Variants in PRR15L observed in about 807,000 individuals in gnomAD.
PRR15L encodes the protein proline-rich protein 15-like protein.
In PRR15L, 1 loss-of-function variant was observed where a neutral mutation model predicts 3.7. That is an observed-to-expected ratio of 0.27 (90% CI 0.09 to 1.27). PRR15L has a LOEUF of 1.27. PRR15L is among the 50% of genes most tolerant of loss of function. The pLI is 0.47. For missense variants in PRR15L, 127 were observed against 128.7 expected (o/e 0.99, Z 0.06); for synonymous variants, 57 against 51.9 (o/e 1.10, Z -0.42).
At chr17:47,955,090 CG>C (rs1266460561) in intron 1 of PRR15L, among the ~76,000 whole-genome samples, 1 of 151,886 alleles carries the variant, frequency 6.6e-6, no homozygotes, top group Non-Finnish European at 1.5e-5. Context: ...CCACCACGCC[CG>C]GCTAATTTTG....
chr17:47,952,643 T>TGAC lies in PRR15L; in HGVS notation c.*279_*280insGTC. 3.0e-6 allele frequency: 1 copy of TGAC among 336,984 alleles called. No individual in the cohort carries two copies. Among genetic ancestry groups the TGAC allele is most frequent in the Non-Finnish European group, 5.5e-6 (1 of 183,018 alleles). The allele number at this position is 336,984 out of a possible 1,614,324, so 20.9% of individuals were successfully genotyped here. On this transcript the variant is annotated 3_prime_UTR_variant, in exon 2 of 2. Transcript: ENST00000300557. Reference sequence around the variant, plus strand: ...CCCACCTCCCTGCTGGCCCTGCCATTGCTTCAAGGAGGGCTGTTCCTCCTG... The same window carrying TGAC: ...CCCACCTCCCTGCTGGCCCTGCCATTGACGCTTCAAGGAGGGCTGTTCCTCCTG...
intron 1 of PRR15L, among the ~76,000 whole-genome samples, chr17:47,956,187 G>C (rs1316354574): frequency 6.6e-6 from 1 of 152,242 alleles, no homozygotes; most frequent in Non-Finnish European, 1.5e-5. Flanking sequence ...CCAGAGGCCA[G>C]GTGCAGTGGC....
intron 1 of PRR15L, among the ~76,000 whole-genome samples, chr17:47,954,477 G>A (rs1183206482): frequency 1.3e-5 from 2 of 152,222 alleles, no homozygotes; most frequent in Non-Finnish European, 2.9e-5. Context: ...GGGGAGACAT[G>A]GTCATCACAG....
chr17:47,957,221 G>C (rs1482335572), intron 1 of PRR15L, among the ~76,000 whole-genome samples: 1 of 152,246 alleles, frequency 6.6e-6, no homozygotes, highest in Non-Finnish European at 1.5e-5. Flanking sequence ...CATTGACTGG[G>C]GCAGAGGTGG....
chr17:47,956,349 G>A (rs2036128861), intron 1 of PRR15L, among the ~76,000 whole-genome samples: 2 of 152,202 alleles, frequency 1.3e-5, no homozygotes, highest in Non-Finnish European at 2.9e-5. Context: ...TCATATGCCT[G>A]TAGTCCCAGC....
chr17:47,952,947 G>A lies in PRR15L; in HGVS notation c.288C>T (p.His96=), dbSNP rs763815620. 7.4e-6 allele frequency: 12 copies of A among 1,613,730 alleles called. No homozygotes were observed. The highest frequency in any genetic ancestry group is 3.3e-5 in the Admixed American group (2 of 60,004). Residue 96 remains histidine, a synonymous_variant, in exon 2 of 2, where the codon CAC becomes CAT. Coordinates refer to ENST00000300557, the MANE Select transcript of PRR15L (RefSeq NM_024320.4). ...TTCACTTTGATGACCGTCCTTCCTC[G>A]TGATCATCAAAGAGGTTAGGGTTCT... is the stretch of plus-strand genomic sequence containing the variant. The part of the protein sequence containing the change: ...LAENPNLFDD[H]EEGRSSK
intron 1 of PRR15L, 145 bp from the exon 2 acceptor site, chr17:47,953,408 C>T (rs370723100): frequency 8.2e-5 from 47 of 572,186 alleles, no homozygotes; most frequent in Non-Finnish European, 1.2e-4. Flanking sequence ...CCTATAATCC[C>T]GGCACTTTGG....
intron 1 of PRR15L, 149 bp downstream of exon 1, chr17:47,957,508 G>A (rs144649671): frequency 2.0e-5 from 3 of 152,444 alleles, no homozygotes; most frequent in Admixed American, 2.0e-4. Context: ...TTGACTCCAA[G>A]AGGCCAGTGG....
intron 1 of PRR15L, among the ~76,000 whole-genome samples, chr17:47,954,927 T>A (rs1049864190): frequency 6.9e-6 from 1 of 144,546 alleles, no homozygotes; most frequent in Non-Finnish European, 1.5e-5. Context: ...ATGTGCCTTT[T>A]TTTTTTCTTT....
chr17:47,956,670 GTAAA>G, intron 1 of PRR15L, among the ~76,000 whole-genome samples: 1 of 152,318 alleles, frequency 6.6e-6, no homozygotes, highest in Middle Eastern at 3.4e-3. Context: ...TGTAGGATCT[GTAAA>G]TAGTCATCAT....
Position 47,952,566 on chromosome 17 carries a change from T to C in PRR15L, c.*357A>G, listed in dbSNP as rs1449185194. Reference sequence around the variant, plus strand: ...ATTGAAACTCGCCCTTGACCCTGTGTCCAGTAAGGAGGTGAAGTCTGTCTG... The same window carrying C: ...ATTGAAACTCGCCCTTGACCCTGTGCCCAGTAAGGAGGTGAAGTCTGTCTG... On this transcript the variant is annotated 3_prime_UTR_variant, in exon 2 of 2. Coordinates refer to ENST00000300557, the MANE Select transcript of PRR15L (RefSeq NM_024320.4). 2 of 208,374 alleles carry C rather than the reference T, an allele frequency of 9.6e-6. No homozygotes were observed. Among genetic ancestry groups the C allele is most frequent in the Non-Finnish European group, 1.9e-5 (2 of 103,474 alleles). The allele number at this position is 208,374 out of a possible 1,614,324, so 12.9% of individuals were successfully genotyped here.
At chr17:47,954,470 G>A (rs1010055624) in intron 1 of PRR15L, among the ~76,000 whole-genome samples, 1 of 152,242 alleles carries the variant, frequency 6.6e-6, no homozygotes, top group Non-Finnish European at 1.5e-5. Flanking sequence ...AAGTACAGGG[G>A]AGACATGGTC....
At chr17:47,957,076 C>A (rs2036138143) in intron 1 of PRR15L, among the ~76,000 whole-genome samples, 1 of 152,254 alleles carries the variant, frequency 6.6e-6, no homozygotes, top group Admixed American at 6.5e-5. Context: ...CACCCCCTGT[C>A]TTTGGTGGCC....
At chr17:47,956,379 C>T (rs567753278) in intron 1 of PRR15L, among the ~76,000 whole-genome samples, 11 of 152,086 alleles carry the variant, frequency 7.2e-5, no homozygotes, top group African/African-American at 2.2e-4. Flanking sequence ...GGCTGAGGCA[C>T]GAGAATCCCT....
chr17:47,956,855 T>C (rs2036133832), intron 1 of PRR15L, among the ~76,000 whole-genome samples: 1 of 152,156 alleles, frequency 6.6e-6, no homozygotes, highest in African/African-American at 2.4e-5. Context: ...GGCAGGTGCT[T>C]GGGACTTCAA....
In PRR15L at chr17:47,953,952, G is replaced by C. The variant is rs192347894; in HGVS notation, c.-29-689C>G. Among the ~76,000 whole-genome samples the C allele has an allele frequency of 6.9e-3, 1,051 of 152,338 alleles. 15 individuals are homozygous for C. Among genetic ancestry groups the C allele is most frequent in the Middle Eastern group, 0.014 (4 of 294 alleles). On this transcript the variant is annotated intron_variant, in intron 1 of 1. Coordinates refer to ENST00000300557, the MANE Select transcript of PRR15L (RefSeq NM_024320.4). ...GCTTGCCTGAGTCACACAGCATCCA[G>C]GCCTTTGATGCTCTTCCCAAACTTC... is the stretch of plus-strand genomic sequence containing the variant.
chr17:47,953,243 C>A lies in PRR15L; in HGVS notation c.-9G>T. 1 of 1,555,244 alleles carries A rather than the reference C, an allele frequency of 6.4e-7. No individual in the cohort carries two copies. The highest frequency in any genetic ancestry group is 1.2e-5 in the South Asian group (1 of 81,752). On this transcript the variant is annotated 5_prime_UTR_variant, in exon 2 of 2. The change creates a new upstream start codon in the 5' untranslated region. Transcript: ENST00000300557. Reference sequence around the variant, plus strand: ...CCAATTTCAGTCGTCATGGCGCTCCCTAAGCCAAGGATGGGGCTTTCTGCT... The same window carrying A: ...CCAATTTCAGTCGTCATGGCGCTCCATAAGCCAAGGATGGGGCTTTCTGCT...
chr17:47,954,268 C>G (rs2036103714), intron 1 of PRR15L, among the ~76,000 whole-genome samples: 2 of 152,160 alleles, frequency 1.3e-5, no homozygotes, highest in Admixed American at 1.3e-4. Context: ...GTTTCCTCAC[C>G]CATCCCATCC....
intron 1 of PRR15L, among the ~76,000 whole-genome samples, chr17:47,955,073 G>C (rs1169463886): frequency 2.6e-5 from 4 of 152,030 alleles, no homozygotes; most frequent in Non-Finnish European, 4.4e-5. Context: ...GGGATTACAG[G>C]CATGCGCCAC....
Sources: gnomAD v4.1 joint callset for allele counts (sites outside exome capture counted in the v4.1 genomes callset) on GRCh38, gnomAD v4.1.1 for gene constraint, MANE v1.5 for transcripts, NCBI Gene and HGNC (gene_info 2026-07-23, HGNC 2026-07-21) for gene names.